DZIP1: variants seen among roughly 807,000 people sequenced by gnomAD.
DZIP1 encodes cilium assembly protein DZIP1.
Under a neutral mutation model 107.6 loss-of-function variants are expected in DZIP1, and 97 were observed. The observed-to-expected ratio is 0.90, with a 90% CI of 0.77 to 1.07. The LOEUF is 1.07. Ranked by LOEUF, DZIP1 falls within the 50% of genes least tolerant of loss-of-function variation. The pLI, the probability that DZIP1 is intolerant of heterozygous loss-of-function variation, is 0.00. For synonymous variants in DZIP1, 390 were observed against 386.4 expected, an observed-to-expected ratio of 1.01 and a Z score of -0.11; for missense variants, 1,035 against 1,063.6, an observed-to-expected ratio of 0.97 and a Z score of 0.37.
chr13:95,611,943 A>G lies in DZIP1; in HGVS notation c.1314+94T>C, dbSNP rs1002125719. ...AAAAATATTCCATCTTCCTCACCTT[A>G]TACCACTTACAAATGCTCTAAAGTA... is the stretch of plus-strand genomic sequence containing the variant. On this transcript the variant is annotated intron_variant, in intron 11 of 22. Transcript: ENST00000376829. The G allele has an allele frequency of 8.7e-6, 13 of 1,487,072 alleles. No homozygotes were observed. The African/African-American group carries it at 1.5e-4, about 18-fold the overall frequency. 92.1% of individuals were successfully genotyped at this position (1,487,072 alleles called of 1,614,324 possible). A position where few individuals can be genotyped will look rare whatever the true frequency, so the allele number is the denominator to read the frequency against.
chr13:95,589,154 G>A lies in DZIP1; in HGVS notation c.2027C>T (p.Thr676Met), dbSNP rs371249353. The change falls in exon 19 of 23, where the codon ACG becomes ATG. Residue 676 changes from threonine (T) to methionine (M), a missense_variant and splice_region_variant. Coordinates refer to ENST00000376829, the MANE Select transcript of DZIP1 (RefSeq NM_198968.4). ...CCCTCCCATCCCTGTCAATACTCAC[G>A]TAATAGTTGAAGACTTTCTGGGAAA... ...DPFPRKSSTI[T>M]TPPFSSEEEQ... 38 of 1,605,208 alleles carry A rather than the reference G, an allele frequency of 2.4e-5. No individual in the cohort carries two copies. The highest frequency in any genetic ancestry group is 1.6e-4 in the African/African-American group (12 of 74,474).
intron 15 of DZIP1, among the ~76,000 whole-genome samples, chr13:95,594,304 C>G (rs2044386157): frequency 6.6e-6 from 1 of 152,070 alleles, no homozygotes. Context: ...TCAGTATTTT[C>G]AAAGACTGGA....
At position 95,594,188 on chromosome 13, in the gene DZIP1, A is replaced by G; in HGVS notation, c.1538-102T>C. On this transcript the variant is annotated intron_variant, in intron 15 of 22. Coordinates refer to ENST00000376829, the MANE Select transcript of DZIP1 (RefSeq NM_198968.4). Reference sequence around the variant, plus strand: ...AACCACAGCTTTTAAGCAGCAAGTAAGTATTTGTGATGTTTTAAAGTTTTT... The same window carrying G: ...AACCACAGCTTTTAAGCAGCAAGTAGGTATTTGTGATGTTTTAAAGTTTTT... 2.1e-6 allele frequency: 2 copies of G among 933,236 alleles called. 1 individual carries two copies. The highest frequency in any genetic ancestry group is 3.2e-6 in the Non-Finnish European group (2 of 632,752). The allele number at this position is 933,236 out of a possible 1,614,324, so 57.8% of individuals were successfully genotyped here.
intron 21 of DZIP1, among the ~76,000 whole-genome samples, chr13:95,585,325 C>A (rs1190665886): frequency 2.0e-5 from 3 of 152,130 alleles, no homozygotes; most frequent in African/African-American, 7.2e-5. Context: ...CTGAAAGGTG[C>A]ACACAGTTCT....
At chr13:95,590,250 C>A in intron 17 of DZIP1, 29 bp downstream of exon 17, 2 of 1,531,312 alleles carry the variant, frequency 1.3e-6, no homozygotes, top group South Asian at 1.3e-5. Context: ...TTAAATTAAG[C>A]TCCCATTTGC....
At chr13:95,599,307 T>A (rs1280238437) in intron 15 of DZIP1, 58 bp downstream of exon 15, 1 of 1,470,750 alleles carries the variant, frequency 6.8e-7, no homozygotes. Flanking sequence ...TTTCCAGGCC[T>A]AGATTTTGGC....
chr13:95,610,123 A>T (rs1242403619), intron 12 of DZIP1, among the ~76,000 whole-genome samples: 2 of 141,798 alleles, frequency 1.4e-5, no homozygotes, highest in East Asian at 2.0e-4. Context: ...AGAGAGAGAC[A>T]GAGAGAGAGA....
At position 95,611,494 on chromosome 13, in the gene DZIP1, C is replaced by T; in HGVS notation, c.1315-1G>A. The stretch of plus-strand genomic sequence containing the variant: ...ATGGATTACAGGTAAAGTCTTTAAT[C>T]TGCAAAGAAATACAGTCTTCTAGTG... On this transcript the variant is annotated splice_acceptor_variant, in intron 11 of 22. Transcript: ENST00000376829. LOFTEE classifies it high-confidence loss of function. 1 of 1,609,928 alleles carries T rather than the reference C, an allele frequency of 6.2e-7. No homozygotes were observed. Among genetic ancestry groups the T allele is most frequent in the Non-Finnish European group, 8.5e-7 (1 of 1,176,264 alleles).
At chr13:95,624,615 G>A (rs1404498964) in intron 8 of DZIP1, among the ~76,000 whole-genome samples, 153 bp downstream of exon 8, 2 of 152,166 alleles carry the variant, frequency 1.3e-5, no homozygotes, top group Non-Finnish European at 2.9e-5. Flanking sequence ...GACTCACTCT[G>A]TCTCCTCTAT....
In DZIP1 at chr13:95,628,098, G is replaced by A. The variant is rs574926904; in HGVS notation, c.810+1891C>T. ...ATTCTGTAGCCAAATGGGGTGCAGC[G>A]GTGTGAACACAGCTCACTGCAGCCT... is the stretch of plus-strand genomic sequence containing the variant. On this transcript the variant is annotated intron_variant, in intron 7 of 22. Coordinates refer to ENST00000376829, the MANE Select transcript of DZIP1 (RefSeq NM_198968.4). Among the ~76,000 whole-genome samples, 10 of 151,992 alleles carry A rather than the reference G, an allele frequency of 6.6e-5. No individual in the cohort carries two copies. In the East Asian group the frequency reaches 1.2e-3, roughly 18 times the overall value.
Position 95,579,231 on chromosome 13 carries a change from C to G in DZIP1, c.*3003G>C, listed in dbSNP as rs1441688046. 2 of 152,162 alleles carry G rather than the reference C, an allele frequency of 1.3e-5. No homozygotes were observed. The highest frequency in any genetic ancestry group is 2.9e-5 in the Non-Finnish European group (2 of 68,036). 9.4% of individuals were successfully genotyped at this position (152,162 alleles called of 1,614,324 possible). A position where few individuals can be genotyped will look rare whatever the true frequency, so the allele number is the denominator to read the frequency against. Reference sequence around the variant, plus strand: ...TTCTATCTAGGTGTGTCTTCCAGAACCTGTTTACGGCTAACTGGATAACTG... The same window carrying G: ...TTCTATCTAGGTGTGTCTTCCAGAAGCTGTTTACGGCTAACTGGATAACTG... On this transcript the variant is annotated 3_prime_UTR_variant, in exon 23 of 23. Coordinates refer to ENST00000376829, the MANE Select transcript of DZIP1 (RefSeq NM_198968.4).
At chr13:95,589,057 C>T (rs1296922932) in intron 19 of DZIP1, 97 bp downstream of exon 19, 2 of 944,930 alleles carry the variant, frequency 2.1e-6, no homozygotes, top group Non-Finnish European at 3.3e-6. Context: ...ATAATTACGG[C>T]TTCATTCAAC....
At chr13:95,587,423 G>A (rs922365777) in intron 20 of DZIP1, 116 bp downstream of exon 20, 3 of 1,386,334 alleles carry the variant, frequency 2.2e-6, no homozygotes, top group Admixed American at 2.2e-5. Flanking sequence ...TTTGGGATCC[G>A]CTGCATCTGT....
Position 95,608,427 on chromosome 13 carries a change from C to T in DZIP1, c.1420+1030G>A, listed in dbSNP as rs556805684. 6.7e-5 allele frequency among the ~76,000 whole-genome samples: 10 copies of T among 150,118 alleles called. No individual in the cohort carries two copies. In the South Asian group the frequency reaches 2.1e-3, roughly 32 times the overall value. On this transcript the variant is annotated intron_variant, in intron 13 of 22. Coordinates refer to ENST00000376829, the MANE Select transcript of DZIP1 (RefSeq NM_198968.4). ...CATACTCCATTTGGAGAAAACCACC[C>T]TAACTAAATATAGACTTGGGTTTTT...
At chr13:95,600,637 C>CAGACAGACAG (rs1468151549) in intron 14 of DZIP1, among the ~76,000 whole-genome samples, 2 of 137,166 alleles carry the variant, frequency 1.5e-5, no homozygotes, top group East Asian at 4.5e-4. Context: ...GATAGACAGA[C>CAGACAGACAG]AGACAGACAG....
intron 16 of DZIP1, among the ~76,000 whole-genome samples, chr13:95,592,716 A>T (rs1034284447): frequency 6.6e-6 from 1 of 152,234 alleles, no homozygotes; most frequent in Non-Finnish European, 1.5e-5. Context: ...CCCAAAATAG[A>T]CACACAAATG....
At chr13:95,632,929 C>T (rs1039071525) in intron 6 of DZIP1, among the ~76,000 whole-genome samples, 7 of 152,184 alleles carry the variant, frequency 4.6e-5, no homozygotes, top group African/African-American at 1.7e-4. Flanking sequence ...CATTTGCCAC[C>T]ATTTGAGAAG....
intron 7 of DZIP1, among the ~76,000 whole-genome samples, chr13:95,626,067 G>A (rs1213117901): frequency 2.6e-5 from 4 of 152,112 alleles, no homozygotes; most frequent in African/African-American, 9.7e-5. Flanking sequence ...GGGAGGTCAA[G>A]GCTGCAGTGA....
In DZIP1 at chr13:95,641,219, G is replaced by A. The variant is rs1655651841; in HGVS notation, c.597+76C>T. The stretch of plus-strand genomic sequence containing the variant: ...TAAATCTTTAAGAAGAAAGAGTGGT[G>A]ATACGGGACAGGCCTATCAAATGGG... On this transcript the variant is annotated intron_variant, in intron 5 of 22. Transcript: ENST00000376829. This position sits in a 1 kb window ranked among gnomAD's most constrained non-coding sequence, Gnocchi z 4.3. 2 of 1,498,312 alleles carry A rather than the reference G, an allele frequency of 1.3e-6. No homozygotes were observed. The highest frequency in any genetic ancestry group is 1.4e-5 in the African/African-American group (1 of 71,388). 92.8% of individuals were successfully genotyped at this position (1,498,312 alleles called of 1,614,324 possible).
Sources: allele counts gnomAD v4.1 joint callset (sites outside exome capture counted in the v4.1 genomes callset), GRCh38; gene constraint gnomAD v4.1.1; non-coding constraint Gnocchi (gnomAD v3.1); transcripts MANE v1.5; gene names NCBI Gene and HGNC (gene_info 2026-07-23, HGNC 2026-07-21).